CRTAC1: variants seen among roughly 807,000 people sequenced by gnomAD.
CRTAC1 encodes the protein acidic secreted protein in cartilage.
Under a neutral mutation model 67.8 loss-of-function variants are expected in CRTAC1, and 37 were observed. That is an observed-to-expected ratio of 0.55 (90% CI 0.42 to 0.72). The LOEUF (loss-of-function observed/expected upper bound fraction) is 0.72, where lower values mean the gene tolerates loss of function less well. Among genes scored for constraint, CRTAC1 ranks in the 30% least tolerant of loss-of-function variants. CRTAC1 has a pLI of 0.00. For synonymous variants in CRTAC1, 348 were observed against 371.0 expected (o/e 0.94, Z 0.71); for missense variants, 780 against 931.6 (o/e 0.84, Z 2.12).
At chr10:97,874,453 G>A (rs776967889) in intron 14 of CRTAC1, among the ~76,000 whole-genome samples, 31 of 152,170 alleles carry the variant, frequency 2.0e-4, no homozygotes, top group Non-Finnish European at 4.1e-4. Context: ...GCCCCAGGAA[G>A]GTTGGCTCTG....
chr10:97,947,708 T>C (rs1289988940), intron 2 of CRTAC1, among the ~76,000 whole-genome samples: 1 of 152,206 alleles, frequency 6.6e-6, no homozygotes, highest in African/African-American at 2.4e-5. Context: ...AAGCATGGTC[T>C]TGGTGTACTG....
At chr10:97,979,829 G>A (rs909430245) in intron 2 of CRTAC1, among the ~76,000 whole-genome samples, 2 of 152,116 alleles carry the variant, frequency 1.3e-5, no homozygotes, top group Non-Finnish European at 2.9e-5. Flanking sequence ...CTGCAGCAGG[G>A]GCTGAGAAGC....
In CRTAC1 at chr10:97,936,231, G is replaced by T. The variant is rs774516947; in HGVS notation, c.360C>A (p.Cys120Ter). 3 of 1,613,926 alleles carry T rather than the reference G, an allele frequency of 1.9e-6. No individual in the cohort carries two copies. The highest frequency in any genetic ancestry group is 1.7e-5 in the Admixed American group (1 of 59,994). ...RQGNAIGVTA[C>*]DIDGDGREEI... The stretch of plus-strand genomic sequence containing the variant: ...CCTCCCGGCCGTCCCCGTCGATGTC[G>T]CAGGCTGTGACCCCGATGGCGTTCC... The change falls in exon 3 of 15, where the codon TGC becomes TGA. Residue 120 changes from cysteine to a stop codon, truncating the protein, a stop_gained. Coordinates refer to ENST00000370597, the MANE Select transcript of CRTAC1 (RefSeq NM_018058.7). LOFTEE classifies it high-confidence loss of function.
chr10:98,030,306 C>G lies in CRTAC1; in HGVS notation c.24+143G>C. Reference sequence around the variant, plus strand: ...CCAGCGCCTCCCAGCAAGTTAGGAGCGAAGCCGCCGCCTTCGCGATCCCAG... The same window carrying G: ...CCAGCGCCTCCCAGCAAGTTAGGAGGGAAGCCGCCGCCTTCGCGATCCCAG... On this transcript the variant is annotated intron_variant, in intron 1 of 14. Transcript: ENST00000370597. The surrounding 1 kb of genome is among the most constrained non-coding windows in gnomAD (Gnocchi z 4.2). The G allele has an allele frequency of 2.0e-6, 1 of 494,656 alleles. No individual in the cohort carries two copies. The highest frequency in any genetic ancestry group is 2.0e-5 in the African/African-American group (1 of 50,168). 30.6% of individuals were successfully genotyped at this position (494,656 alleles called of 1,614,324 possible).
chr10:98,026,211 GA>G (rs1843229635), intron 1 of CRTAC1, among the ~76,000 whole-genome samples: 1 of 152,226 alleles, frequency 6.6e-6, no homozygotes, highest in Non-Finnish European at 1.5e-5. Context: ...TCATTTAGCA[GA>G]GAAGGAAACT....
At chr10:97,918,962 T>G (rs1436610799) in intron 4 of CRTAC1, among the ~76,000 whole-genome samples, 1 of 152,044 alleles carries the variant, frequency 6.6e-6, no homozygotes, top group Non-Finnish European at 1.5e-5. Context: ...TTTTGTATTT[T>G]TTAGTAGAGA....
chr10:97,979,412 G>A (rs1302779967), intron 2 of CRTAC1, among the ~76,000 whole-genome samples: 1 of 152,202 alleles, frequency 6.6e-6, no homozygotes, highest in Admixed American at 6.5e-5. Flanking sequence ...CCAAGCTCTG[G>A]TCTAGGCAGC....
At chr10:97,937,520 T>A (rs1432856712) in intron 2 of CRTAC1, among the ~76,000 whole-genome samples, 1 of 152,262 alleles carries the variant, frequency 6.6e-6, no homozygotes, top group Non-Finnish European at 1.5e-5. Flanking sequence ...AAGGCAGAAC[T>A]TCTTGTCTGT....
chr10:97,903,772 T>C (rs1427906424), intron 7 of CRTAC1, among the ~76,000 whole-genome samples: 4 of 152,152 alleles, frequency 2.6e-5, no homozygotes, highest in Admixed American at 2.0e-4. Context: ...ATGCCCCTCA[T>C]GCTGTTGGCA....
rs138252386 is a variant in CRTAC1, at chr10:97,896,408, T to C, written c.1217-423A>G. Among the ~76,000 whole-genome samples the C allele has an allele frequency of 3.3e-5, 5 of 152,290 alleles. No homozygotes were observed. In the East Asian group the frequency reaches 7.7e-4, roughly 24 times the overall value. On this transcript the variant is annotated intron_variant, in intron 9 of 14. Transcript: ENST00000370597. ...AAGAGGGCAGATATAATTATCCCCATTTTATGAATGTGGAGAACAAGACCC... is the reference window on the plus strand; with the variant it reads ...AAGAGGGCAGATATAATTATCCCCACTTTATGAATGTGGAGAACAAGACCC...
intron 6 of CRTAC1, among the ~76,000 whole-genome samples, chr10:97,906,148 T>C (rs1290554150): frequency 2.0e-5 from 3 of 151,910 alleles, no homozygotes; most frequent in Non-Finnish European, 4.4e-5. Context: ...CTGAGTGTCC[T>C]CCTGGGGGAG....
At chr10:97,889,132 G>A (rs555337458) in intron 11 of CRTAC1, among the ~76,000 whole-genome samples, 2 of 150,636 alleles carry the variant, frequency 1.3e-5, no homozygotes, top group East Asian at 3.9e-4. Flanking sequence ...GGGAGGGAAG[G>A]GGGGGAGGGG....
chr10:97,977,205 AG>A (rs2136659463), intron 2 of CRTAC1, among the ~76,000 whole-genome samples: 2 of 152,336 alleles, frequency 1.3e-5, no homozygotes, highest in South Asian at 4.1e-4. Flanking sequence ...TAATTGATAA[AG>A]GGGCCTCCAC....
chr10:97,895,733 G>A lies in CRTAC1; in HGVS notation c.1317+152C>T, dbSNP rs2050448024. 1.6e-6 allele frequency: 1 copy of A among 642,230 alleles called. No individual in the cohort carries two copies. The highest frequency in any genetic ancestry group is 2.6e-6 in the Non-Finnish European group (1 of 377,580). The allele number at this position is 642,230 out of a possible 1,614,324, so 39.8% of individuals were successfully genotyped here. On this transcript the variant is annotated intron_variant, in intron 10 of 14. Transcript: ENST00000370597. This position sits in a 1 kb window ranked among gnomAD's most constrained non-coding sequence, Gnocchi z 4.2. ...GGCGGCCCTTCCTGAGCTTCCCGGT[G>A]CTGCTGGAATTTACTTCCCTCCTCC...
rs572172417 is a variant in CRTAC1, at chr10:97,954,627, T to TAGG, written c.225-18262_225-18261insCCT. On this transcript the variant is annotated intron_variant, in intron 2 of 14. Transcript: ENST00000370597. ...TCATCTTTGTGTGAAATAATTCCCA[T>TAGG]ATATAGCGCATGAGCTGGGGCCATG... is the stretch of plus-strand genomic sequence containing the variant. Among the ~76,000 whole-genome samples, 12 of 152,240 alleles carry TAGG rather than the reference T, an allele frequency of 7.9e-5. No individual in the cohort carries two copies. The South Asian group carries it at 2.5e-3, about 32-fold the overall frequency.
In CRTAC1 at chr10:97,884,308, G is replaced by A. The variant is rs1162397846; in HGVS notation, c.1530C>T (p.Gly510=). ...ASSVEVTWPD[G]KMVSRNVASG... is the part of the protein sequence containing the mutation. ...TGGCCACGTTCCGGCTCACCATCTTGCCATCTGGCCACGTCACCTCCACAC... is the reference window on the plus strand; with the variant it reads ...TGGCCACGTTCCGGCTCACCATCTTACCATCTGGCCACGTCACCTCCACAC... The change falls in exon 12 of 15, where the codon GGC becomes GGT. Residue 510 remains glycine (G), a synonymous_variant. Transcript: ENST00000370597. The A allele has an allele frequency of 2.6e-6, 4 of 1,552,912 alleles. No individual in the cohort carries two copies. The Middle Eastern group carries it at 5.4e-4, about 210-fold the overall frequency.
At chr10:97,946,538 A>G (rs1487341015) in intron 2 of CRTAC1, among the ~76,000 whole-genome samples, 3 of 152,216 alleles carry the variant, frequency 2.0e-5, no homozygotes, top group Non-Finnish European at 4.4e-5. Context: ...GTCCATCTCC[A>G]GAGGCAAGAG....
chr10:97,950,275 A>AGAGAGAGAGG (rs2051334026), intron 2 of CRTAC1, among the ~76,000 whole-genome samples: 6 of 151,844 alleles, frequency 4.0e-5, no homozygotes, highest in Admixed American at 3.9e-4. Context: ...AGAGAGAGAG[A>AGAGAGAGAGG]GAGAGAGAGA....
chr10:97,882,068 C>T (rs1191200990), intron 13 of CRTAC1, among the ~76,000 whole-genome samples: 1 of 152,172 alleles, frequency 6.6e-6, no homozygotes, highest in Non-Finnish European at 1.5e-5. Context: ...CTTGTTTACT[C>T]CTGTATCTCA....
Sources: allele counts gnomAD v4.1 joint callset (sites outside exome capture counted in the v4.1 genomes callset), GRCh38; gene constraint gnomAD v4.1.1; non-coding constraint Gnocchi (gnomAD v3.1); transcripts MANE v1.5; gene names NCBI Gene and HGNC (gene_info 2026-07-23, HGNC 2026-07-21).